The following WBP2NL variants were observed in gnomAD, a reference collection of about 807,000 sequenced individuals.
The protein encoded by WBP2NL is WBP2 N-terminal like.
WBP2NL carries 27 observed loss-of-function variants against 23.3 expected under a neutral mutation model. That is an observed-to-expected ratio of 1.16 (90% CI 0.85 to 1.60). The LOEUF is 1.60. Ranked by LOEUF, WBP2NL falls within the 40% of genes most tolerant of loss-of-function variation. The probability of loss-of-function intolerance (pLI) is 0.00; values close to 1 mark genes in which losing one functional copy is unlikely to be tolerated. For missense variants in WBP2NL, 370 were observed against 389.5 expected, an observed-to-expected ratio of 0.95 and a Z score of 0.42; for synonymous variants, 151 against 145.9, an observed-to-expected ratio of 1.03 and a Z score of -0.25.
chr22:42,026,544 G>A (rs373818824), intron 5 of WBP2NL, among the ~76,000 whole-genome samples: 5 of 151,914 alleles, frequency 3.3e-5, no homozygotes, highest in Admixed American at 6.6e-5. Flanking sequence ...GTAACGCACC[G>A]ATCTATTGAT....
At chr22:42,057,452 C>T (rs192134552) in intron 8 of WBP2NL, among the ~76,000 whole-genome samples, 7 of 152,038 alleles carry the variant, frequency 4.6e-5, no homozygotes, top group Admixed American at 1.3e-4. Flanking sequence ...TCTTTAGACC[C>T]GGCTTCCTTT....
chr22:42,031,945 C>T (rs133348), downstream of WBP2NL: 59,857 of 151,994 alleles, frequency 0.39, 14,409 homozygotes, highest in East Asian at 0.84. Flanking sequence ...ATCCACCCGC[C>T]TCGGCCTCCC....
chr22:42,040,249 G>A (rs1441237284), intron 8 of WBP2NL, among the ~76,000 whole-genome samples: 1 of 143,298 alleles, frequency 7.0e-6, no homozygotes, highest in African/African-American at 2.6e-5. Flanking sequence ...TTTAGACAGA[G>A]TCTTGCTCTG....
Position 42,019,753 on chromosome 22 carries a change from C to G in WBP2NL, c.263C>G (p.Pro88Arg), listed in dbSNP as rs765905704. The G allele has an allele frequency of 2.5e-6, 4 of 1,614,166 alleles. No individual in the cohort carries two copies. The highest frequency in any genetic ancestry group is 3.4e-6 in the Non-Finnish European group (4 of 1,180,032). ...ATGACGAACCTCACTGTTGAACAAC[C>G]AGTATTTGCTGCAAACTTCATTAAG... The part of the protein sequence containing the change: ...DLMTNLTVEQ[P>R]VFAANFIKGT... The change falls in exon 3 of 6, where the codon CCA (proline) becomes CGA (arginine). Residue 88 changes from proline to arginine, a missense_variant. Transcript: ENST00000328823.
At chr22:42,020,175 T>C in intron 4 of WBP2NL, 79 bp downstream of exon 4, 1 of 1,350,312 alleles carries the variant, frequency 7.4e-7, no homozygotes, top group Non-Finnish European at 1.0e-6. Context: ...TTGTTGTTGC[T>C]GTTGTTGTTG....
downstream of WBP2NL, among the ~76,000 whole-genome samples, chr22:42,037,883 T>TG (rs1925250233): frequency 4.9e-5 from 6 of 122,900 alleles, no homozygotes; most frequent in East Asian, 9.6e-4. Context: ...GTGTGTGTGT[T>TG]TGTAGTCTTT....
At chr22:42,016,068 G>C (rs909814630) in intron 1 of WBP2NL, among the ~76,000 whole-genome samples, 6 of 151,762 alleles carry the variant, frequency 4.0e-5, no homozygotes, top group Non-Finnish European at 8.8e-5. Context: ...TGCAAACTCT[G>C]CCTCCCGGGT....
At chr22:42,032,953 T>G (rs1047334793), downstream of WBP2NL, 1 of 185,926 alleles carries the variant, frequency 5.4e-6, no homozygotes, top group Admixed American at 6.2e-5. Flanking sequence ...CTTTGGGGTG[T>G]CACTTTTCTG....
chr22:42,019,354 C>T lies in WBP2NL; in HGVS notation c.106C>T (p.Arg36Ter), dbSNP rs756925504. The change falls in exon 2 of 6, where the codon CGA becomes TGA. Residue 36 changes from arginine (R) to a stop codon, truncating the protein, a stop_gained. Coordinates refer to ENST00000328823, the MANE Select transcript of WBP2NL (RefSeq NM_152613.3). LOFTEE classifies it high-confidence loss of function. ...GAATGTGGAGCTCTCCTTCCCACAG[C>T]GATCAGAAGGCTCAAATGTCTTTAG... is the stretch of plus-strand genomic sequence containing the variant. Reference protein sequence around the residue: ...SPNVELSFPQRSEGSNVFSGR... With the variant: ...SPNVELSFPQ 17 of 1,614,006 alleles carry T rather than the reference C, an allele frequency of 1.1e-5. No individual in the cohort carries two copies. Among genetic ancestry groups the T allele is most frequent in the African/African-American group, 9.3e-5 (7 of 74,908 alleles).
At chr22:42,040,424 T>C (rs993293098) in intron 8 of WBP2NL, among the ~76,000 whole-genome samples, 10 of 152,206 alleles carry the variant, frequency 6.6e-5, no homozygotes, top group African/African-American at 2.4e-4. Context: ...GGTTTCACCA[T>C]GTTCGCCAGG....
intron 8 of WBP2NL, among the ~76,000 whole-genome samples, chr22:42,047,672 A>G (rs1330090708): frequency 7.7e-6 from 1 of 130,578 alleles, no homozygotes; most frequent in Non-Finnish European, 1.5e-5. Context: ...CCCAGGCTGG[A>G]GTGCAGTGGC....
At chr22:42,046,470 G>A (rs374774928) in intron 8 of WBP2NL, among the ~76,000 whole-genome samples, 1 of 152,068 alleles carries the variant, frequency 6.6e-6, no homozygotes, top group Non-Finnish European at 1.5e-5. Flanking sequence ...AATTTTTCTA[G>A]GATTGTCTTT....
rs185605322 is a variant in WBP2NL at position 42,001,175 on chromosome 22, T to C, written c.62+2295T>C. 27 of 796,506 alleles carry C rather than the reference T, an allele frequency of 3.4e-5. No homozygotes were observed. The African/African-American group carries it at 4.2e-4, about 12-fold the overall frequency. 49.3% of individuals were successfully genotyped at this position (796,506 alleles called of 1,614,324 possible). A position where few individuals can be genotyped will look rare whatever the true frequency, so the allele number is the denominator to read the frequency against. ...CTTGAAAACAGCTTTGCTTCCTTCA[T>C]CATGAGTAATCTTCCTCCAGCAGTC... is the stretch of plus-strand genomic sequence containing the variant. On this transcript the variant is annotated intron_variant, in intron 1 of 5. Coordinates refer to ENST00000328823, the MANE Select transcript of WBP2NL (RefSeq NM_152613.3).
At chr22:42,008,615 T>C (rs1005030009) in intron 1 of WBP2NL, among the ~76,000 whole-genome samples, 2 of 152,166 alleles carry the variant, frequency 1.3e-5, no homozygotes, top group Non-Finnish European at 2.9e-5. Flanking sequence ...TTTTATATGC[T>C]CATTGGCCAT....
intron 1 of WBP2NL, among the ~76,000 whole-genome samples, chr22:41,999,424 A>G (rs1436903455): frequency 2.6e-5 from 4 of 152,110 alleles, no homozygotes; most frequent in Non-Finnish European, 2.9e-5. Flanking sequence ...TGGACCTGGA[A>G]ACTTTCTAAA....
At chr22:42,017,272 T>C (rs1923389634) in intron 1 of WBP2NL, among the ~76,000 whole-genome samples, 1 of 152,210 alleles carries the variant, frequency 6.6e-6, no homozygotes, top group Non-Finnish European at 1.5e-5. Context: ...TGTACCACCA[T>C]GCCTGGATAC....
At chr22:42,051,239 C>T (rs575375676) in intron 8 of WBP2NL, among the ~76,000 whole-genome samples, 17 of 151,918 alleles carry the variant, frequency 1.1e-4, no homozygotes, top group Non-Finnish European at 2.2e-4. Context: ...TGAAAGAAGC[C>T]AATCTGAAAG....
chr22:42,018,641 G>T (rs949356701), intron 1 of WBP2NL, among the ~76,000 whole-genome samples: 3 of 152,106 alleles, frequency 2.0e-5, no homozygotes, highest in Non-Finnish European at 4.4e-5. Context: ...GGCTGGGGCA[G>T]TCTGCTGCCT....
At chr22:42,057,471 G>A (rs1926084364) in intron 8 of WBP2NL, among the ~76,000 whole-genome samples, 1 of 151,266 alleles carries the variant, frequency 6.6e-6, no homozygotes, top group Admixed American at 6.6e-5. Flanking sequence ...TTGGCTCTTT[G>A]AACATGTTTA....
Sources: gnomAD v4.1 joint callset for allele counts (sites outside exome capture counted in the v4.1 genomes callset) on GRCh38, gnomAD v4.1.1 for gene constraint, MANE v1.5 for transcripts, NCBI Gene and HGNC (gene_info 2026-07-23, HGNC 2026-07-21) for gene names.